Variants in FBXL17 observed in about 807,000 individuals in gnomAD.
FBXL17 encodes F-box/LRR-repeat protein 17.
Under a neutral mutation model 66.2 loss-of-function variants are expected in FBXL17, and 22 were observed. The ratio of observed to expected loss-of-function variants is 0.33; its 90% confidence interval spans 0.24 to 0.47. The LOEUF is 0.47. FBXL17 is among the 20% of genes least tolerant of loss of function. FBXL17 has a pLI of 1.00. For missense variants in FBXL17, 878 were observed against 948.2 expected, an observed-to-expected ratio of 0.93 and a Z score of 0.97; for synonymous variants, 474 against 400.5, an observed-to-expected ratio of 1.18 and a Z score of -2.19.
At position 108,009,308 on chromosome 5, in the gene FBXL17, T is replaced by TAGATAGATAGATAGATAGATACACAC; in HGVS notation, c.1822+11616_1822+11617insGTGTGTATCTATCTATCTATCTATCT. Among the ~76,000 whole-genome samples the TAGATAGATAGATAGATAGATACACAC allele has an allele frequency of 8.8e-4, 37 of 42,208 alleles. 1 individual carries two copies. The highest frequency in any genetic ancestry group is 9.4e-3 in the Middle Eastern group (1 of 106). 27.7% of individuals were successfully genotyped at this position (42,208 alleles called of 152,430 possible). The stretch of plus-strand genomic sequence containing the variant: ...ATATATATATATATATATACATATA[T>TAGATAGATAGATAGATAGATACACAC]ACATACACATATAGTTTTGCTTTTG... On this transcript the variant is annotated intron_variant, in intron 7 of 8. Transcript: ENST00000542267.
chr5:107,869,907 C>G (rs1046125924), intron 8 of FBXL17, among the ~76,000 whole-genome samples: 3 of 152,194 alleles, frequency 2.0e-5, no homozygotes, highest in Non-Finnish European at 2.9e-5. Context: ...TCATACATAG[C>G]AAACTTATGA....
intron 6 of FBXL17, among the ~76,000 whole-genome samples, chr5:108,100,224 A>G (rs1426346887): frequency 1.3e-5 from 2 of 152,122 alleles, no homozygotes; most frequent in Non-Finnish European, 1.5e-5. Context: ...AGATCTTTGG[A>G]CTCTGTTTCT....
At chr5:108,049,271 TA>T (rs1561385230) in intron 6 of FBXL17, among the ~76,000 whole-genome samples, 1 of 151,796 alleles carries the variant, frequency 6.6e-6, no homozygotes, top group African/African-American at 2.4e-5. Flanking sequence ...GCCTCCCAAG[TA>T]GATGGGATTA....
intron 7 of FBXL17, among the ~76,000 whole-genome samples, chr5:108,016,762 CT>C (rs869185804): frequency 2.1e-5 from 3 of 144,946 alleles, no homozygotes; most frequent in Non-Finnish European, 4.5e-5. Flanking sequence ...AGTAAATTAT[CT>C]TTTTTTCTTT....
chr5:108,299,199 T>C, intron 4 of FBXL17: 1 of 985,082 alleles, frequency 1.0e-6, no homozygotes, highest in Non-Finnish European at 1.2e-6. Context: ...GAGTTGGACC[T>C]TTATACCTTT....
intron 7 of FBXL17, among the ~76,000 whole-genome samples, chr5:108,008,472 T>C (rs1297705424): frequency 1.3e-5 from 2 of 152,184 alleles, no homozygotes; most frequent in Non-Finnish European, 2.9e-5. Flanking sequence ...AATTTCAAAC[T>C]CTTCATTTAT....
chr5:108,037,602 G>C (rs1392199050), intron 6 of FBXL17, among the ~76,000 whole-genome samples: 1 of 152,140 alleles, frequency 6.6e-6, no homozygotes, highest in East Asian at 1.9e-4. Context: ...CAGAATGACA[G>C]GGTGCTCTGG....
chr5:108,231,364 T>C (rs1755332676), intron 4 of FBXL17, among the ~76,000 whole-genome samples: 1 of 152,166 alleles, frequency 6.6e-6, no homozygotes, highest in Non-Finnish European at 1.5e-5. Context: ...ACTGATCTGC[T>C]CCCTATCTCT....
At chr5:108,192,477 C>A (rs990693933) in intron 5 of FBXL17, among the ~76,000 whole-genome samples, 2 of 152,016 alleles carry the variant, frequency 1.3e-5, no homozygotes, top group Non-Finnish European at 2.9e-5. Flanking sequence ...TAAAATTAGT[C>A]AATGATTGGT....
At chr5:108,130,016 G>C (rs1189199871) in intron 6 of FBXL17, among the ~76,000 whole-genome samples, 1 of 151,598 alleles carries the variant, frequency 6.6e-6, no homozygotes, top group African/African-American at 2.4e-5. Flanking sequence ...TTTATTAAAA[G>C]AGCATTTTAA....
At chr5:107,862,009 G>A (rs78569848) in intron 8 of FBXL17, 149 bp from the exon 9 acceptor site, 122,756 of 744,334 alleles carry the variant, frequency 0.16, 11,306 homozygotes, top group Middle Eastern at 0.29. Flanking sequence ...GTTTTGTGAG[G>A]AGATATGTGT....
chr5:108,289,869 T>C (rs1758042957), intron 4 of FBXL17, among the ~76,000 whole-genome samples: 2 of 152,148 alleles, frequency 1.3e-5, no homozygotes, highest in Admixed American at 6.6e-5. Context: ...TAACTCTTGG[T>C]CCTATTAAAA....
chr5:108,270,679 T>C (rs1757232340), intron 4 of FBXL17, among the ~76,000 whole-genome samples: 1 of 152,196 alleles, frequency 6.6e-6, no homozygotes, highest in Non-Finnish European at 1.5e-5. Context: ...TTAACAGTTA[T>C]GTTAACAGTT....
chr5:108,227,118 T>C (rs762355584), intron 4 of FBXL17, among the ~76,000 whole-genome samples: 1 of 152,256 alleles, frequency 6.6e-6, no homozygotes, highest in Non-Finnish European at 1.5e-5. Flanking sequence ...CCATGACTAA[T>C]ACCTTGAGTA....
intron 6 of FBXL17, among the ~76,000 whole-genome samples, chr5:108,075,919 T>C (rs1222560674): frequency 1.3e-5 from 2 of 152,226 alleles, no homozygotes; most frequent in Admixed American, 6.5e-5. Context: ...GTCTTTATGA[T>C]GCCAAATCGA....
intron 4 of FBXL17, among the ~76,000 whole-genome samples, chr5:108,327,400 T>G (rs1759909336): frequency 6.6e-6 from 1 of 152,208 alleles, no homozygotes; most frequent in African/African-American, 2.4e-5. Context: ...GACTTGAGTT[T>G]TCTGCAATAA....
chr5:107,940,450 G>A (rs199789072), intron 7 of FBXL17, among the ~76,000 whole-genome samples: 1 of 152,148 alleles, frequency 6.6e-6, no homozygotes, highest in Non-Finnish European at 1.5e-5. Flanking sequence ...AGGAGTGAAT[G>A]TTGCCTGGAA....
chr5:107,898,513 T>C (rs978321392), intron 7 of FBXL17, among the ~76,000 whole-genome samples: 1 of 152,306 alleles, frequency 6.6e-6, no homozygotes, highest in South Asian at 2.1e-4. Context: ...TTTTTTATTA[T>C]TATATTTTAC....
intron 5 of FBXL17, among the ~76,000 whole-genome samples, chr5:108,219,928 CTTTTTTTTT>C: frequency 5.9e-4 from 22 of 37,434 alleles, no homozygotes; most frequent in Non-Finnish European, 7.3e-4. Flanking sequence ...TTACTATTTC[CTTTTTTTTT>C]TTTTTTTTTT....
Sources: gnomAD v4.1 joint callset for allele counts (sites outside exome capture counted in the v4.1 genomes callset) on GRCh38, gnomAD v4.1.1 for gene constraint, MANE v1.5 for transcripts, NCBI Gene and HGNC (gene_info 2026-07-23, HGNC 2026-07-21) for gene names.